The following RET variants were observed in gnomAD, a reference collection of about 807,000 sequenced individuals.
RET encodes proto-oncogene tyrosine-protein kinase receptor Ret.
RET carries 19 observed loss-of-function variants against 118.3 expected under a neutral mutation model. The ratio of observed to expected loss-of-function variants is 0.16; its 90% confidence interval spans 0.11 to 0.24. The LOEUF (loss-of-function observed/expected upper bound fraction) is 0.24, where lower values mean the gene tolerates loss of function less well. RET is among the 10% of genes least tolerant of loss of function. The pLI, the probability that RET is intolerant of heterozygous loss-of-function variation, is 1.00. For missense variants in RET, 1,219 were observed against 1,502.1 expected, an observed-to-expected ratio of 0.81 and a Z score of 3.12; for synonymous variants, 597 against 644.1, an observed-to-expected ratio of 0.93 and a Z score of 1.11.
intron 1 of RET, among the ~76,000 whole-genome samples, chr10:43,094,725 G>A (rs1001364123): frequency 6.6e-6 from 1 of 152,256 alleles, no homozygotes; most frequent in African/African-American, 2.4e-5. Flanking sequence ...CACCGAGGGT[G>A]CAGGAAAATG....
At chr10:43,126,091 T>G (rs1838322296) in intron 18 of RET, among the ~76,000 whole-genome samples, 1 of 152,100 alleles carries the variant, frequency 6.6e-6, no homozygotes, top group Non-Finnish European at 1.5e-5. Flanking sequence ...TGACGTGACG[T>G]TCTAGATGGC....
chr10:43,113,471 G>C (rs980735881), intron 9 of RET, 85 bp from the exon 10 acceptor site: 17 of 1,440,808 alleles, frequency 1.2e-5, no homozygotes, highest in Middle Eastern at 5.0e-4. Context: ...TGGGGAGGGG[G>C]CTCCTTGGGA....
chr10:43,090,675 C>A (rs1044514949), intron 1 of RET, among the ~76,000 whole-genome samples: 4 of 152,018 alleles, frequency 2.6e-5, no homozygotes, highest in African/African-American at 9.7e-5. Context: ...TTATTTATTT[C>A]TTATTATATT....
chr10:43,116,331 C>T lies in RET; in HGVS notation c.2137-253C>T, dbSNP rs74135468. ...GTCAGGGGAGACAGTAGACCAGGAA[C>T]CAGAGAGGGTCGAAGTACTGAGTCC... On this transcript the variant is annotated intron_variant, in intron 11 of 19. Transcript: ENST00000355710. 0.017 allele frequency among the ~76,000 whole-genome samples: 2,537 copies of T among 152,308 alleles called. 83 individuals are homozygous for T. Among genetic ancestry groups the T allele is most frequent in the African/African-American group, 0.058 (2,428 of 41,566 alleles).
chr10:43,106,133 G>C lies in RET; in HGVS notation c.868-243G>C, dbSNP rs1837769319. 6.6e-6 allele frequency among the ~76,000 whole-genome samples: 1 copy of C among 152,174 alleles called. No individual in the cohort carries two copies. Among genetic ancestry groups the C allele is most frequent in the Admixed American group, 6.5e-5 (1 of 15,288 alleles). ...ATCGGCTGTAATTCTCCTTATAAGA[G>C]GTCTGCATTGTACCTGTTACACAGG... On this transcript the variant is annotated intron_variant, in intron 4 of 19. Coordinates refer to ENST00000355710, the MANE Select transcript of RET (RefSeq NM_020975.6). This position sits in a 1 kb window ranked among gnomAD's most constrained non-coding sequence, Gnocchi z 5.1.
chr10:43,113,584 TG>T lies in RET; in HGVS notation c.1792del (p.Glu598SerfsTer40). On this transcript the variant is annotated frameshift_variant, in exon 10 of 20. Coordinates refer to ENST00000355710, the MANE Select transcript of RET (RefSeq NM_020975.6). LOFTEE classifies it high-confidence loss of function. Reference sequence around the variant, plus strand: ...GCAGCATTGTTGGGGGACACGAGCCTGGGGAGCCCCGGGGGATTAAAGCTGG... The same window carrying T: ...GCAGCATTGTTGGGGGACACGAGCCTGGGAGCCCCGGGGGATTAAAGCTGG... ...RGSIVGGHEP[G>X]EPRGIKAGYG... The T allele has an allele frequency of 6.2e-7, 1 of 1,611,092 alleles. No homozygotes were observed. Among genetic ancestry groups the T allele is most frequent in the Non-Finnish European group, 8.5e-7 (1 of 1,179,124 alleles).
intron 1 of RET, among the ~76,000 whole-genome samples, chr10:43,088,426 ATGG>A (rs1837341193): frequency 6.7e-6 from 1 of 149,778 alleles, no homozygotes; most frequent in South Asian, 2.1e-4. Context: ...GAAGGTGGGG[ATGG>A]TGGTGGTGGA....
chr10:43,120,733 A>G (rs79094522), intron 15 of RET, among the ~76,000 whole-genome samples: 4,491 of 152,230 alleles, frequency 0.03, 165 homozygotes, highest in East Asian at 0.096. Flanking sequence ...AGTCTATGAA[A>G]CAGGCAGTGG....
At chr10:43,115,363 C>G (rs942683255) in intron 11 of RET, among the ~76,000 whole-genome samples, 3 of 152,174 alleles carry the variant, frequency 2.0e-5, no homozygotes, top group African/African-American at 7.2e-5. Flanking sequence ...GGGAGGTGGC[C>G]TGGGATTCCT....
In RET at chr10:43,106,604, C is replaced by T. The variant is rs762571216; in HGVS notation, c.1063+33C>T. Reference sequence around the variant, plus strand: ...GGGCTGGTGGCACGGCCTGGCTAGGCCCCCAGGAAATGAGGTGCTCGCTCT... The same window carrying T: ...GGGCTGGTGGCACGGCCTGGCTAGGTCCCCAGGAAATGAGGTGCTCGCTCT... On this transcript the variant is annotated intron_variant, in intron 5 of 19. Coordinates refer to ENST00000355710, the MANE Select transcript of RET (RefSeq NM_020975.6). This position sits in a 1 kb window ranked among gnomAD's most constrained non-coding sequence, Gnocchi z 5.1. 3 of 1,603,616 alleles carry T rather than the reference C, an allele frequency of 1.9e-6. No homozygotes were observed. Among genetic ancestry groups the T allele is most frequent in the Non-Finnish European group, 1.7e-6 (2 of 1,173,824 alleles).
chr10:43,105,215 G>C (rs1405679036), intron 4 of RET, 22 bp downstream of exon 4: 15 of 1,612,258 alleles, frequency 9.3e-6, no homozygotes, highest in African/African-American at 1.3e-5. Flanking sequence ...CGCGTGCTGT[G>C]GTCTACCCAG....
chr10:43,097,015 T>C (rs1051555211), intron 1 of RET, among the ~76,000 whole-genome samples: 3 of 152,190 alleles, frequency 2.0e-5, no homozygotes, highest in Non-Finnish European at 2.9e-5. Flanking sequence ...CTGTTTCTGC[T>C]CGCAATCATT....
chr10:43,118,446 T>C lies in RET; in HGVS notation c.2358T>C (p.His786=), dbSNP rs758715544. Residue 786 remains histidine (H), a synonymous_variant, in exon 13 of 20, where the codon CAT becomes CAC. Transcript: ENST00000355710. The part of the protein sequence containing the change: ...FNVLKQVNHP[H]VIKLYGACSQ... ...TCCTGAAGCAGGTCAACCACCCACA[T>C]GTCATCAAATTGTATGGGGCCTGCA... 69 of 1,613,892 alleles carry C rather than the reference T, an allele frequency of 4.3e-5. No individual in the cohort carries two copies. Among genetic ancestry groups the C allele is most frequent in the Non-Finnish European group, 5.8e-5 (69 of 1,180,008 alleles).
At chr10:43,105,937 A>C (rs1484339457) in intron 4 of RET, among the ~76,000 whole-genome samples, 2 of 152,114 alleles carry the variant, frequency 1.3e-5, no homozygotes, top group African/African-American at 4.8e-5. Flanking sequence ...GGATGCTTGG[A>C]ACAGAGCGCT....
chr10:43,106,465 C>A lies in RET; in HGVS notation c.957C>A (p.Leu319=), dbSNP rs149926238. The A allele has an allele frequency of 1.7e-4, 278 of 1,613,498 alleles. No individual in the cohort carries two copies. Among genetic ancestry groups the A allele is most frequent in the Middle Eastern group, 3.3e-4 (2 of 6,056 alleles). Residue 319 remains leucine (L), a synonymous_variant, in exon 5 of 20, where the codon CTC becomes CTA. Coordinates refer to ENST00000355710, the MANE Select transcript of RET (RefSeq NM_020975.6). The surrounding 1 kb of genome is among the most constrained non-coding windows in gnomAD (Gnocchi z 5.1). ...TGAGGCGGTACACAAGCACGCTGCT[C>A]CCCGGGGACACCTGGGCCCAGCAGA... ...ELVRRYTSTL[L]PGDTWAQQTF...
intron 1 of RET, among the ~76,000 whole-genome samples, chr10:43,090,628 T>G (rs1456881164): frequency 6.6e-6 from 1 of 152,154 alleles, no homozygotes; most frequent in Non-Finnish European, 1.5e-5. Context: ...TGCAACTGTG[T>G]TGGTATAAGA....
At position 43,118,499 on chromosome 10, in the gene RET, T is replaced by C. The variant is rs778745375; in HGVS notation, c.2392+19T>C. 78 of 1,589,430 alleles carry C rather than the reference T, an allele frequency of 4.9e-5. No individual in the cohort carries two copies. The Middle Eastern group carries it at 3.2e-3, about 65-fold the overall frequency. ...CAGGATGGTAAGGCCAGCTGCAGGG[T>C]GAGGTGGGCAGCCACTGCACCCAGG... On this transcript the variant is annotated intron_variant, in intron 13 of 19. Coordinates refer to ENST00000355710, the MANE Select transcript of RET (RefSeq NM_020975.6).
Position 43,100,611 on chromosome 10 carries a change from T to G in RET, c.226T>G (p.Tyr76Asp). The G allele has an allele frequency of 6.2e-7, 1 of 1,613,956 alleles. No homozygotes were observed. Among genetic ancestry groups the G allele is most frequent in the Non-Finnish European group, 8.5e-7 (1 of 1,180,022 alleles). The change falls in exon 2 of 20, where the codon TAC (tyrosine) becomes GAC (aspartate). Residue 76 changes from tyrosine to aspartate, a missense_variant. Physicochemically the swap from Tyr to Asp is radical, Grantham distance 160 (BLOSUM62 -3). Around this residue, in one of 5 missense-constraint regions of RET, gnomAD observed 84 missense variants for 163.6 expected, o/e 0.51. Transcript: ENST00000355710. ...CCTGGGCCAGCATCTCTACGGCACG[T>G]ACCGCACACGGCTGCATGAGAACAA... is the stretch of plus-strand genomic sequence containing the variant. ...FRLGQHLYGT[Y>D]RTRLHENNWI...
intron 13 of RET, among the ~76,000 whole-genome samples, chr10:43,119,100 C>T (rs1838142028): frequency 6.6e-6 from 1 of 152,142 alleles, no homozygotes; most frequent in Non-Finnish European, 1.5e-5. Flanking sequence ...TGGGACAGGA[C>T]AGGTGGGAAC....
Sources: allele counts gnomAD v4.1 joint callset (sites outside exome capture counted in the v4.1 genomes callset), GRCh38; gene constraint gnomAD v4.1.1; regional missense constraint gnomAD v4.1.1; non-coding constraint Gnocchi (gnomAD v3.1); transcripts MANE v1.5; gene names NCBI Gene and HGNC (gene_info 2026-07-23, HGNC 2026-07-21).